Variants in OR10J1 observed in about 807,000 individuals in gnomAD.
The protein encoded by OR10J1 is olfactory receptor 10J1.
For missense variants in OR10J1, 474 were observed against 376.6 expected, an observed-to-expected ratio of 1.26 and a Z score of -2.14; for synonymous variants, 202 against 143.8, an observed-to-expected ratio of 1.40 and a Z score of -2.89.
chr1:159,432,326 C>T, the OR10J1 span: 1 of 401,248 alleles, frequency 2.5e-6, no homozygotes, highest in Non-Finnish European at 4.4e-6. Context: ...TGACCCTTGC[C>T]AGCAATGCTA....
the OR10J1 span, among the ~76,000 whole-genome samples, chr1:159,422,601 T>G: frequency 5.9e-5 from 9 of 152,052 alleles, no homozygotes; most frequent in Non-Finnish European, 2.9e-5. Flanking sequence ...CAGAAGCTGT[T>G]AAGCCCTAGG....
chr1:159,425,175 T>A, the OR10J1 span, among the ~76,000 whole-genome samples: 1 of 152,126 alleles, frequency 6.6e-6, no homozygotes, highest in Non-Finnish European at 1.5e-5. Context: ...AGTGGACGTT[T>A]CAAAAAATTT....
the OR10J1 span, among the ~76,000 whole-genome samples, chr1:159,431,105 G>C: frequency 6.6e-6 from 1 of 152,194 alleles, no homozygotes; most frequent in African/African-American, 2.4e-5. Context: ...CACACGGAAC[G>C]GGGAGACTCG....
chr1:159,427,401 C>A, the OR10J1 span, among the ~76,000 whole-genome samples: 2 of 151,448 alleles, frequency 1.3e-5, no homozygotes, highest in Admixed American at 1.3e-4. Context: ...AGAAATGAAA[C>A]CCCTAACAGC....
At chr1:159,436,620 G>A (rs1488104956), upstream of OR10J1, among the ~76,000 whole-genome samples, 3 of 150,554 alleles carry the variant, frequency 2.0e-5, no homozygotes, top group African/African-American at 7.3e-5. Context: ...CAACAAGGAA[G>A]GAAAATCACC....
chr1:159,398,725 G>GA, the OR10J1 span, among the ~76,000 whole-genome samples: 36 of 151,482 alleles, frequency 2.4e-4, no homozygotes, highest in South Asian at 1.7e-3. Context: ...GGAGACAAAA[G>GA]AAAAAAGAAT....
At chr1:159,433,594 G>C (rs895079215), upstream of OR10J1, among the ~76,000 whole-genome samples, 1 of 152,162 alleles carries the variant, frequency 6.6e-6, no homozygotes, top group African/African-American at 2.4e-5. Context: ...CACAATTCTA[G>C]ATCCCTCCAT....
the OR10J1 span, among the ~76,000 whole-genome samples, chr1:159,406,987 C>T: frequency 3.9e-5 from 6 of 152,122 alleles, no homozygotes; most frequent in South Asian, 4.1e-4. Context: ...GCCATGTTTT[C>T]GGAAATAGAG....
chr1:159,439,517 A>G (rs1158808065), upstream of OR10J1, among the ~76,000 whole-genome samples: 1 of 152,216 alleles, frequency 6.6e-6, no homozygotes, highest in East Asian at 1.9e-4. Context: ...GAGGAAGAGT[A>G]GATATGAAGT....
At chr1:159,424,424 T>C in the OR10J1 span, among the ~76,000 whole-genome samples, 2 of 144,832 alleles carry the variant, frequency 1.4e-5, no homozygotes, top group Non-Finnish European at 3.0e-5. Flanking sequence ...ATATTCAAAT[T>C]AAGTATGTAT....
At chr1:159,438,465 C>A (rs1655803609), upstream of OR10J1, among the ~76,000 whole-genome samples, 1 of 152,208 alleles carries the variant, frequency 6.6e-6, no homozygotes, top group Non-Finnish European at 1.5e-5. Context: ...ATAGAGGCAC[C>A]ATACCACTCC....
chr1:159,431,639 C>T, the OR10J1 span, among the ~76,000 whole-genome samples: 2 of 152,136 alleles, frequency 1.3e-5, no homozygotes, highest in African/African-American at 4.8e-5. Context: ...CAGTCGCTGA[C>T]TTTATAATAG....
At chr1:159,407,495 T>A in the OR10J1 span, among the ~76,000 whole-genome samples, 1 of 152,072 alleles carries the variant, frequency 6.6e-6, no homozygotes, top group East Asian at 1.9e-4. Flanking sequence ...GTACTCTAAG[T>A]GTACATAAAA....
chr1:159,405,450 T>G, the OR10J1 span: 1 of 168,590 alleles, frequency 5.9e-6, no homozygotes, highest in East Asian at 1.7e-4. Flanking sequence ...GGTTGAAGAG[T>G]TTCCTCTTCA....
At chr1:159,425,092 A>G in the OR10J1 span, among the ~76,000 whole-genome samples, 1 of 152,184 alleles carries the variant, frequency 6.6e-6, no homozygotes, top group Non-Finnish European at 1.5e-5. Flanking sequence ...GTGATATAAA[A>G]TTATTTCTAA....
chr1:159,426,045 G>T, the OR10J1 span, among the ~76,000 whole-genome samples: 1 of 151,980 alleles, frequency 6.6e-6, no homozygotes, highest in South Asian at 2.1e-4. Context: ...GAATGCTGGA[G>T]AAATAGAAAT....
chr1:159,415,216 G>C, the OR10J1 span, among the ~76,000 whole-genome samples: 2 of 152,074 alleles, frequency 1.3e-5, no homozygotes, highest in Non-Finnish European at 2.9e-5. Flanking sequence ...TTACATTCAA[G>C]TCTTTGATCC....
At chr1:159,413,433 C>T in the OR10J1 span, among the ~76,000 whole-genome samples, 1 of 151,862 alleles carries the variant, frequency 6.6e-6, no homozygotes, top group Non-Finnish European at 1.5e-5. Flanking sequence ...AGACTTGGAA[C>T]CAACCCAAAT....
At chr1:159,409,177 C>T in the OR10J1 span, among the ~76,000 whole-genome samples, 1 of 152,046 alleles carries the variant, frequency 6.6e-6, no homozygotes, top group Non-Finnish European at 1.5e-5. Flanking sequence ...CTCTTCTTAT[C>T]AGATAACTTG....
Sources: allele counts gnomAD v4.1 joint callset (sites outside exome capture counted in the v4.1 genomes callset), GRCh38; gene constraint gnomAD v4.1.1; transcripts MANE v1.5; gene names NCBI Gene and HGNC (gene_info 2026-07-23, HGNC 2026-07-21).